Variants in NLRP9 observed in about 807,000 individuals in gnomAD.
NLRP9 encodes NACHT, LRR and PYD domains-containing protein 9.
NLRP9 carries 88 observed loss-of-function variants against 83.1 expected under a neutral mutation model. The observed-to-expected ratio is 1.06, with a 90% CI of 0.89 to 1.26. The LOEUF is 1.26. Among genes scored for constraint, NLRP9 ranks in the 50% most tolerant of loss-of-function variants. The pLI, the probability that NLRP9 is intolerant of heterozygous loss-of-function variation, is 0.00. For synonymous variants in NLRP9, 521 were observed against 447.6 expected (o/e 1.16, Z -2.07); for missense variants, 1,308 against 1,179.3 (o/e 1.11, Z -1.60).
At chr19:55,717,031 TTC>T (rs1167930891) in intron 4 of NLRP9, 133 bp from the exon 5 acceptor site, 4 of 600,148 alleles carry the variant, frequency 6.7e-6, no homozygotes, top group African/African-American at 6.0e-5. Flanking sequence ...CAGACTCTTT[TTC>T]TTTTTTTTTT....
chr19:55,711,965 T>G lies in NLRP9; in HGVS notation c.2678A>C (p.Gln893Pro). The G allele has an allele frequency of 6.2e-7, 1 of 1,612,338 alleles. No individual in the cohort carries two copies. The highest frequency in any genetic ancestry group is 1.7e-5 in the Admixed American group (1 of 59,980). ...PHCKLECLGLQTCPITRACCD... is the reference protein window; with the variant it reads ...PHCKLECLGLPTCPITRACCD... ...GCAGGCACGGGTGATCGGACACGTT[T>G]GCAGCCTGCAAAAGGGAAACACACC... The change falls in exon 8 of 9, where the codon CAA (glutamine) becomes CCA (proline). Residue 893 changes from glutamine to proline, a missense_variant. Gln to Pro is a moderately conservative substitution (Grantham distance 76). Coordinates refer to ENST00000332836, the MANE Select transcript of NLRP9 (RefSeq NM_176820.4).
intron 1 of NLRP9, among the ~76,000 whole-genome samples, chr19:55,734,604 TACACAC>T (rs35062004): frequency 0.024 from 3,116 of 132,300 alleles, 86 homozygotes; most frequent in African/African-American, 0.065. Flanking sequence ...TACATACACA[TACACAC>T]ACACACACAC....
chr19:55,718,294 C>G (rs1165896503), intron 4 of NLRP9, among the ~76,000 whole-genome samples: 2 of 152,096 alleles, frequency 1.3e-5, no homozygotes, highest in Admixed American at 1.3e-4. Flanking sequence ...ACTTTACCAT[C>G]CCCCAACCCG....
chr19:55,726,591 G>A (rs1262584490), intron 3 of NLRP9, among the ~76,000 whole-genome samples: 5 of 152,116 alleles, frequency 3.3e-5, no homozygotes, highest in African/African-American at 1.2e-4. Context: ...CTCTACTGAT[G>A]CCACTCTGTT....
Position 55,732,472 on chromosome 19 carries a change from G to A in NLRP9, c.1359C>T (p.Ala453=), listed in dbSNP as rs746903877. The A allele has an allele frequency of 1.9e-5, 30 of 1,614,050 alleles. No individual in the cohort carries two copies. Among genetic ancestry groups the A allele is most frequent in the Middle Eastern group, 1.6e-4 (1 of 6,084 alleles). Reference sequence around the variant, plus strand: ...GTCGTTTGAGCAAATAAAACATGGCGGCACAAAACTCTTGGATACACAGAT... The same window carrying A: ...GTCGTTTGAGCAAATAAAACATGGCAGCACAAAACTCTTGGATACACAGAT... ...FMHLCIQEFC[A]AMFYLLKRPK... is the part of the protein sequence containing the mutation. The change falls in exon 2 of 9, where the codon GCC becomes GCT. Residue 453 remains alanine, a synonymous_variant. Transcript: ENST00000332836.
intron 4 of NLRP9, among the ~76,000 whole-genome samples, chr19:55,720,895 A>G (rs1988204487): frequency 6.6e-6 from 1 of 152,254 alleles, no homozygotes; most frequent in South Asian, 2.1e-4. Context: ...AAGCCCAGAA[A>G]GTCAAACAAA....
rs772709505 is a variant in NLRP9 at position 55,732,722 on chromosome 19, G to C, written c.1109C>G (p.Ser370Cys). The C allele has an allele frequency of 2.5e-6, 4 of 1,613,934 alleles. No homozygotes were observed. In the Admixed American group the frequency reaches 6.7e-5, roughly 27 times the overall value. ...TGCTTTGAATACAGTTGTTAAAAAG[G>C]ATGCATATAAATAGGTGGTGTTTTG... ...NSQNTTYLYASFLTTVFKAGS... is the reference protein window; with the variant it reads ...NSQNTTYLYACFLTTVFKAGS... The change falls in exon 2 of 9, where the codon TCC becomes TGC. Residue 370 changes from serine (S) to cysteine (C), a missense_variant. Coordinates refer to ENST00000332836, the MANE Select transcript of NLRP9 (RefSeq NM_176820.4).
intron 6 of NLRP9, among the ~76,000 whole-genome samples, chr19:55,714,559 G>C (rs539205338): frequency 2.0e-5 from 3 of 152,088 alleles, no homozygotes; most frequent in Non-Finnish European, 4.4e-5. Context: ...CCAGAACCAG[G>C]TGGGGTAAAT....
At chr19:55,712,057 C>G in intron 7 of NLRP9, 87 bp from the exon 8 acceptor site, 1 of 1,307,756 alleles carries the variant, frequency 7.6e-7, no homozygotes, top group Admixed American at 1.9e-5. Flanking sequence ...TTACACACCT[C>G]CCGGCAGGAC....
At chr19:55,713,404 A>G (rs1003082363) in intron 6 of NLRP9, among the ~76,000 whole-genome samples, 1 of 151,764 alleles carries the variant, frequency 6.6e-6, no homozygotes, top group Non-Finnish European at 1.5e-5. Flanking sequence ...AGATGTGTGG[A>G]TAGGCACGTG....
At chr19:55,723,855 A>C in intron 4 of NLRP9, 125 bp downstream of exon 4, 2 of 724,752 alleles carry the variant, frequency 2.8e-6, no homozygotes, top group Non-Finnish European at 4.5e-6. Flanking sequence ...AGACAGATTC[A>C]AAAGATGAAA....
intron 1 of NLRP9, among the ~76,000 whole-genome samples, chr19:55,735,832 C>T (rs1424326118): frequency 1.3e-5 from 2 of 151,786 alleles, no homozygotes; most frequent in Non-Finnish European, 2.9e-5. Context: ...GGATTACAGG[C>T]GTGCACCACC....
Position 55,732,443 on chromosome 19 carries a change from TTGGGTCGTTTG to T in NLRP9, c.1377_1387del (p.Lys460ArgfsTer4). 6.2e-7 allele frequency: 1 copy of T among 1,614,216 alleles called. No individual in the cohort carries two copies. The highest frequency in any genetic ancestry group is 8.5e-7 in the Non-Finnish European group (1 of 1,180,040). ...TCCAATGGCCGGGTTAGGATCGTCT[TTGGGTCGTTTG>T]AGCAAATAAAACATGGCGGCACAAA... On this transcript the variant is annotated frameshift_variant, in exon 2 of 9. Coordinates refer to ENST00000332836, the MANE Select transcript of NLRP9 (RefSeq NM_176820.4). LOFTEE classifies it high-confidence loss of function.
intron 5 of NLRP9, among the ~76,000 whole-genome samples, chr19:55,715,449 C>G (rs1325676528): frequency 6.6e-6 from 1 of 152,164 alleles, no homozygotes; most frequent in African/African-American, 2.4e-5. Context: ...CTTTGGGAGG[C>G]TGAGGCGGGC....
Position 55,723,058 on chromosome 19 carries a change from A to C in NLRP9, c.2159+922T>G, listed in dbSNP as rs376097168. Among the ~76,000 whole-genome samples the C allele has an allele frequency of 2.0e-5, 3 of 152,258 alleles. No homozygotes were observed. The East Asian group carries it at 5.8e-4, about 29-fold the overall frequency. ...TATACCTAATGTAAATGACGAGTTGATGGGTACAGCAAACCAACATGGCAC... is the reference window on the plus strand; with the variant it reads ...TATACCTAATGTAAATGACGAGTTGCTGGGTACAGCAAACCAACATGGCAC... On this transcript the variant is annotated intron_variant, in intron 4 of 8. Transcript: ENST00000332836.
chr19:55,729,242 T>A (rs1988497389), intron 3 of NLRP9, among the ~76,000 whole-genome samples: 1 of 151,316 alleles, frequency 6.6e-6, no homozygotes, highest in Non-Finnish European at 1.5e-5. Context: ...CATTTTTTTT[T>A]TTTTTTATTA....
chr19:55,722,810 T>C (rs1234515902), intron 4 of NLRP9, among the ~76,000 whole-genome samples: 1 of 152,044 alleles, frequency 6.6e-6, no homozygotes. Context: ...TGGAATACTA[T>C]GCAGCCATAA....
intron 8 of NLRP9, among the ~76,000 whole-genome samples, chr19:55,711,088 A>C (rs1052549536): frequency 2.5e-5 from 3 of 122,300 alleles, no homozygotes; most frequent in South Asian, 2.4e-4. Context: ...TCTGCCTCAA[A>C]AAAACAAAAC....
At chr19:55,737,057 T>C (rs1988803479) in intron 1 of NLRP9, among the ~76,000 whole-genome samples, 1 of 152,036 alleles carries the variant, frequency 6.6e-6, no homozygotes, top group African/African-American at 2.4e-5. Flanking sequence ...CAAATGCTAA[T>C]TACTAGATAC....
Sources: gnomAD v4.1 joint callset for allele counts (sites outside exome capture counted in the v4.1 genomes callset) on GRCh38, gnomAD v4.1.1 for gene constraint, MANE v1.5 for transcripts, NCBI Gene and HGNC (gene_info 2026-07-23, HGNC 2026-07-21) for gene names.